EFCAB6: variants seen among roughly 807,000 people sequenced by gnomAD.
EFCAB6 encodes EF-hand calcium-binding domain-containing protein 6.
Under a neutral mutation model 169.8 loss-of-function variants are expected in EFCAB6, and 156 were observed. That is an observed-to-expected ratio of 0.92 (90% CI 0.81 to 1.05). EFCAB6 has a LOEUF of 1.05. Among genes scored for constraint, EFCAB6 ranks in the 50% least tolerant of loss-of-function variants. EFCAB6 has a pLI of 0.00. For synonymous variants in EFCAB6, 698 were observed against 676.4 expected (o/e 1.03, Z -0.50); for missense variants, 1,800 against 1,829.1 (o/e 0.98, Z 0.29).
chr22:43,625,359 C>T (rs150944961), intron 20 of EFCAB6, among the ~76,000 whole-genome samples: 40 of 152,310 alleles, frequency 2.6e-4, no homozygotes, highest in African/African-American at 9.6e-4. Context: ...AGACACACCT[C>T]AGTACTAGCA....
At chr22:43,703,739 C>T (rs1325134510) in intron 10 of EFCAB6, among the ~76,000 whole-genome samples, 1 of 150,214 alleles carries the variant, frequency 6.7e-6, no homozygotes, top group East Asian at 2.0e-4. Context: ...CAACCAAAAG[C>T]TTCAACAGCA....
At chr22:43,695,503 G>C (rs1384585301) in intron 10 of EFCAB6, among the ~76,000 whole-genome samples, 1 of 152,040 alleles carries the variant, frequency 6.6e-6, no homozygotes, top group Non-Finnish European at 1.5e-5. Context: ...TGACTATATA[G>C]AAAGACAAAG....
intron 24 of EFCAB6, among the ~76,000 whole-genome samples, chr22:43,584,998 T>G (rs1423336468): frequency 6.6e-6 from 1 of 152,156 alleles, no homozygotes; most frequent in Non-Finnish European, 1.5e-5. Context: ...CCTAGCCAAA[T>G]GAACATAAAA....
chr22:43,607,602 C>T (rs2053015094), intron 22 of EFCAB6, among the ~76,000 whole-genome samples: 2 of 152,206 alleles, frequency 1.3e-5, no homozygotes, highest in African/African-American at 4.8e-5. Context: ...TTTGTAAGAA[C>T]TTCCAGTTGC....
intron 27 of EFCAB6, 49 bp downstream of exon 27, chr22:43,554,820 G>T: frequency 6.5e-7 from 1 of 1,528,990 alleles, no homozygotes; most frequent in South Asian, 1.1e-5. Context: ...GGACCAGGCT[G>T]ACGCTCAGCC....
intron 17 of EFCAB6, among the ~76,000 whole-genome samples, chr22:43,661,514 C>G (rs2057000835): frequency 6.6e-6 from 1 of 152,190 alleles, no homozygotes; most frequent in Non-Finnish European, 1.5e-5. Context: ...GACAGGGTTT[C>G]CTGGGAGAGG....
intron 10 of EFCAB6, among the ~76,000 whole-genome samples, chr22:43,702,121 A>G (rs1336354111): frequency 1.3e-5 from 2 of 152,220 alleles, no homozygotes; most frequent in Admixed American, 6.5e-5. Flanking sequence ...ACTACTTTAC[A>G]CCTCATGAGT....
intron 17 of EFCAB6, among the ~76,000 whole-genome samples, chr22:43,650,887 G>C (rs1436932804): frequency 1.3e-5 from 2 of 152,198 alleles, no homozygotes; most frequent in African/African-American, 4.8e-5. Context: ...TGAGAGAGAT[G>C]ATTTAGGGTA....
chr22:43,547,438 AATTT>A (rs1306420983), intron 27 of EFCAB6, among the ~76,000 whole-genome samples: 2 of 152,192 alleles, frequency 1.3e-5, no homozygotes, highest in Non-Finnish European at 2.9e-5. Flanking sequence ...GGAAAAAAGG[AATTT>A]AAAAAATCTC....
chr22:43,781,204 TA>T (rs1465704942), intron 3 of EFCAB6, among the ~76,000 whole-genome samples: 1 of 152,250 alleles, frequency 6.6e-6, no homozygotes, highest in East Asian at 1.9e-4. Flanking sequence ...CTGTTGCTTT[TA>T]AAACTGGTAA....
chr22:43,540,469 G>C, intron 27 of EFCAB6, 112 bp from the exon 28 acceptor site: 6 of 1,571,120 alleles, frequency 3.8e-6, no homozygotes, highest in Non-Finnish European at 5.2e-6. Context: ...GAGCACTCAC[G>C]TGACTGGTGA....
intron 17 of EFCAB6, among the ~76,000 whole-genome samples, chr22:43,655,072 AC>A (rs1441946731): frequency 6.6e-6 from 1 of 152,170 alleles, no homozygotes; most frequent in Non-Finnish European, 1.5e-5. Flanking sequence ...AGCCTGGCCA[AC>A]ATAGTGAAAC....
chr22:43,706,187 C>A (rs1261115179), intron 10 of EFCAB6, among the ~76,000 whole-genome samples: 1 of 152,196 alleles, frequency 6.6e-6, no homozygotes, highest in Non-Finnish European at 1.5e-5. Context: ...CAACTCGGCT[C>A]CAGGAACACT....
intron 22 of EFCAB6, among the ~76,000 whole-genome samples, chr22:43,600,929 C>T (rs1273395047): frequency 6.6e-6 from 1 of 152,194 alleles, no homozygotes; most frequent in Non-Finnish European, 1.5e-5. Flanking sequence ...TCCCAAAGTA[C>T]TGGGATTACA....
At chr22:43,711,382 C>T (rs2059153422) in intron 10 of EFCAB6, 93 bp downstream of exon 10, 2 of 1,314,092 alleles carry the variant, frequency 1.5e-6, no homozygotes, top group South Asian at 3.5e-5. Flanking sequence ...AATAAAAAGT[C>T]TAAAACATTA....
intron 17 of EFCAB6, among the ~76,000 whole-genome samples, chr22:43,644,211 T>C (rs960214139): frequency 6.6e-6 from 1 of 152,098 alleles, no homozygotes; most frequent in Non-Finnish European, 1.5e-5. Context: ...AGAGCTGCCC[T>C]AGGCAAGCTC....
At chr22:43,662,737 C>T (rs184663320) in intron 17 of EFCAB6, among the ~76,000 whole-genome samples, 1 of 152,290 alleles carries the variant, frequency 6.6e-6, no homozygotes. Flanking sequence ...AACACACGGC[C>T]ATCAATTACT....
intron 17 of EFCAB6, among the ~76,000 whole-genome samples, chr22:43,639,486 C>T (rs79956320): frequency 0.019 from 2,852 of 152,272 alleles, 92 homozygotes; most frequent in African/African-American, 0.065. Context: ...ACTATCTTCT[C>T]ACCTCCTCCA....
In EFCAB6 at chr22:43,678,196, G is replaced by GAAA. The variant is rs34240326; in HGVS notation, c.1252-36_1252-34dup. On this transcript the variant is annotated intron_variant, in intron 12 of 31. Coordinates refer to ENST00000262726, the MANE Select transcript of EFCAB6 (RefSeq NM_022785.4). Reference sequence around the variant, plus strand: ...TCAGAGTGTATATAAGGGAATTTTTGAAAAAAAAAAAAAAAGGAAGAAAAA... The same window carrying GAAA: ...TCAGAGTGTATATAAGGGAATTTTTGAAAAAAAAAAAAAAAAAAGGAAGAAAAA... 1,821 of 1,193,854 alleles carry GAAA rather than the reference G, an allele frequency of 1.5e-3. 14 individuals carry two copies. In the African/African-American group the frequency reaches 0.022, roughly 14 times the overall value. 74.0% of individuals were successfully genotyped at this position (1,193,854 alleles called of 1,614,324 possible).
Sources: gnomAD v4.1 joint callset for allele counts (sites outside exome capture counted in the v4.1 genomes callset) on GRCh38, gnomAD v4.1.1 for gene constraint, MANE v1.5 for transcripts, NCBI Gene and HGNC (gene_info 2026-07-23, HGNC 2026-07-21) for gene names.